CYFIP2: variants seen among roughly 807,000 people sequenced by gnomAD.
The protein encoded by CYFIP2 is cytoplasmic FMR1-interacting protein 2.
A neutral mutation model predicts 158.7 loss-of-function variants in CYFIP2; 29 were observed. That is an observed-to-expected ratio of 0.18 (90% CI 0.14 to 0.25). CYFIP2 has a LOEUF of 0.25. Ranked by LOEUF, CYFIP2 falls within the 10% of genes least tolerant of loss-of-function variation. The pLI, the probability that CYFIP2 is intolerant of heterozygous loss-of-function variation, is 1.00. For missense variants in CYFIP2, 852 were observed against 1,639.5 expected, an observed-to-expected ratio of 0.52 and a Z score of 8.29; for synonymous variants, 585 against 617.6, an observed-to-expected ratio of 0.95 and a Z score of 0.78.
chr5:157,338,033 G>C (rs10060677), intron 21 of CYFIP2, among the ~76,000 whole-genome samples: 70,683 of 152,112 alleles, frequency 0.46, 18,268 homozygotes, highest in African/African-American at 0.71. Context: ...AACCAAAACA[G>C]CACAGGAGTG....
At chr5:157,341,667 G>A (rs1465774845) in intron 23 of CYFIP2, 1 of 158,090 alleles carries the variant, frequency 6.3e-6, no homozygotes, top group Non-Finnish European at 1.4e-5. Flanking sequence ...TGCCGAGCAG[G>A]GAATGCATGA....
chr5:157,310,659 G>A (rs1035732421), intron 10 of CYFIP2, among the ~76,000 whole-genome samples: 3 of 152,328 alleles, frequency 2.0e-5, no homozygotes, highest in Middle Eastern at 3.4e-3. Context: ...CTGACTTCTC[G>A]ACCAGCTGAA....
chr5:157,343,611 C>T, intron 23 of CYFIP2: 1 of 1,255,478 alleles, frequency 8.0e-7, no homozygotes, highest in Admixed American at 2.6e-5. Context: ...TAATCATAGC[C>T]ACCATTTATT....
chr5:157,373,597 T>A (rs965683603), intron 26 of CYFIP2, among the ~76,000 whole-genome samples: 3 of 152,196 alleles, frequency 2.0e-5, no homozygotes, highest in African/African-American at 7.2e-5. Context: ...ATGATCATTT[T>A]AAAAAGGATG....
intron 14 of CYFIP2, 78 bp from the exon 15 acceptor site, chr5:157,320,577 G>A (rs1760513335): frequency 8.8e-6 from 14 of 1,582,778 alleles, no homozygotes; most frequent in African/African-American, 6.8e-5. Flanking sequence ...GGGACACCAC[G>A]GGCCCTAGAA....
chr5:157,395,537 TG>T lies in CYFIP2; in HGVS notation c.*2538del. ...TTGATTTGTATTTTGGGGGTACCTG[TG>T]TTGAGTTGATAAACATTTCCATCTT... On this transcript the variant is annotated 3_prime_UTR_variant, in exon 31 of 31. Transcript: ENST00000620254. 1 of 970,944 alleles carries T rather than the reference TG, an allele frequency of 1.0e-6. No individual in the cohort carries two copies. The highest frequency in any genetic ancestry group is 1.4e-6 in the Non-Finnish European group (1 of 699,146). 60.1% of individuals were successfully genotyped at this position (970,944 alleles called of 1,614,324 possible).
In CYFIP2 at chr5:157,361,680, G is replaced by A. The variant is rs1034498907; in HGVS notation, c.3039+82G>A. On this transcript the variant is annotated intron_variant, in intron 26 of 30. Transcript: ENST00000620254. This position sits in a 1 kb window ranked among gnomAD's most constrained non-coding sequence, Gnocchi z 4.4. The stretch of plus-strand genomic sequence containing the variant: ...CCAAGCAGATATTGAGGCTCCTGCA[G>A]CATTGATTTGTGCTTTGAGTACAAG... 1 of 1,549,914 alleles carries A rather than the reference G, an allele frequency of 6.5e-7. No individual in the cohort carries two copies. The highest frequency in any genetic ancestry group is 1.2e-5 in the South Asian group (1 of 86,796).
intron 23 of CYFIP2, among the ~76,000 whole-genome samples, chr5:157,351,897 C>T (rs1763096625): frequency 6.6e-6 from 1 of 152,164 alleles, no homozygotes; most frequent in Non-Finnish European, 1.5e-5. Flanking sequence ...GGGAAGACAT[C>T]AACTCATTTG....
intron 23 of CYFIP2, among the ~76,000 whole-genome samples, chr5:157,351,652 C>T (rs1177115612): frequency 1.3e-5 from 2 of 152,182 alleles, no homozygotes; most frequent in African/African-American, 4.8e-5. Context: ...AAGCCTGGGC[C>T]TGTTGGCCAC....
chr5:157,275,915 A>G (rs1756506099), intron 1 of CYFIP2, among the ~76,000 whole-genome samples: 1 of 152,186 alleles, frequency 6.6e-6, no homozygotes, highest in Admixed American at 6.5e-5. Flanking sequence ...TGCTACTATA[A>G]ATAGAACTGT....
In CYFIP2 at chr5:157,319,941, A is replaced by T. The variant is rs771854845; in HGVS notation, c.1523+13A>T. 6.2e-7 allele frequency: 1 copy of T among 1,613,524 alleles called. No homozygotes were observed. Among genetic ancestry groups the T allele is most frequent in the Non-Finnish European group, 8.5e-7 (1 of 1,179,574 alleles). On this transcript the variant is annotated intron_variant, in intron 14 of 30. Transcript: ENST00000620254. Reference sequence around the variant, plus strand: ...ATGTCCTCATCAGGTGGGTTTTCAGATGCCTTCAGGAGCATATCAGACATA... The same window carrying T: ...ATGTCCTCATCAGGTGGGTTTTCAGTTGCCTTCAGGAGCATATCAGACATA...
At chr5:157,275,892 G>A (rs1756503109) in intron 1 of CYFIP2, among the ~76,000 whole-genome samples, 1 of 152,056 alleles carries the variant, frequency 6.6e-6, no homozygotes. Flanking sequence ...TCTAAGTATT[G>A]TATTATTTTT....
chr5:157,310,905 A>T, intron 10 of CYFIP2: 1 of 435,244 alleles, frequency 2.3e-6, no homozygotes, highest in Non-Finnish European at 4.7e-6. Flanking sequence ...CTGGGTCACC[A>T]GCACCTGAGG....
At chr5:157,346,062 A>T in intron 23 of CYFIP2, among the ~76,000 whole-genome samples, 1 of 149,634 alleles carries the variant, frequency 6.7e-6, no homozygotes, top group Admixed American at 6.7e-5. Flanking sequence ...CCACCTCTTT[A>T]TCTTCATCTT....
rs1439847839 is a variant in CYFIP2 at position 157,394,421 on chromosome 5, A to G, written c.*1421A>G. On this transcript the variant is annotated 3_prime_UTR_variant, in exon 31 of 31. Transcript: ENST00000620254. ...ATGGTTGCCTTAATCAAATGGTCCC[A>G]TTTTTAACCCCAAAGGAAGTGCCCA... 2.0e-5 allele frequency: 3 copies of G among 152,210 alleles called. No individual in the cohort carries two copies. Among genetic ancestry groups the G allele is most frequent in the Non-Finnish European group, 4.4e-5 (3 of 68,042 alleles). 9.4% of individuals were successfully genotyped at this position (152,210 alleles called of 1,614,324 possible).
At chr5:157,340,372 T>G (rs1762164734) in intron 22 of CYFIP2, among the ~76,000 whole-genome samples, 1 of 152,206 alleles carries the variant, frequency 6.6e-6, no homozygotes, top group Non-Finnish European at 1.5e-5. Context: ...CTAAGTGAGA[T>G]AGATTTCCAG....
At chr5:157,323,886 G>A (rs1295599064) in intron 15 of CYFIP2, 35 bp from the exon 16 acceptor site, 3 of 1,507,652 alleles carry the variant, frequency 2.0e-6, no homozygotes, top group Admixed American at 2.2e-5. Flanking sequence ...TAGAGGGCCA[G>A]CTTCTGACCT....
intron 9 of CYFIP2, among the ~76,000 whole-genome samples, chr5:157,309,528 T>C (rs1759528032): frequency 6.6e-6 from 1 of 152,160 alleles, no homozygotes; most frequent in South Asian, 2.1e-4. Context: ...CTCCGTTGCC[T>C]AGAACATAGA....
intron 24 of CYFIP2, among the ~76,000 whole-genome samples, chr5:157,359,543 A>T (rs866480961): frequency 6.6e-6 from 1 of 152,224 alleles, no homozygotes; most frequent in African/African-American, 2.4e-5. Context: ...TACCCATGGC[A>T]GACATCTCTA....
Sources: allele counts gnomAD v4.1 joint callset (sites outside exome capture counted in the v4.1 genomes callset), GRCh38; gene constraint gnomAD v4.1.1; non-coding constraint Gnocchi (gnomAD v3.1); transcripts MANE v1.5; gene names NCBI Gene and HGNC (gene_info 2026-07-23, HGNC 2026-07-21).